The following ZNF585A variants were observed in gnomAD, a reference collection of about 807,000 sequenced individuals.
The protein encoded by ZNF585A is zinc finger protein 585A.
In ZNF585A, 9 loss-of-function variants were observed where a neutral mutation model predicts 14.9. That is an observed-to-expected ratio of 0.60 (90% CI 0.36 to 1.05). The LOEUF (loss-of-function observed/expected upper bound fraction) is 1.05, where lower values mean the gene tolerates loss of function less well. Among genes scored for constraint, ZNF585A ranks in the 50% least tolerant of loss-of-function variants. The pLI is 0.01. For missense variants in ZNF585A, 726 were observed against 926.4 expected, an observed-to-expected ratio of 0.78 and a Z score of 2.81; for synonymous variants, 276 against 319.9, an observed-to-expected ratio of 0.86 and a Z score of 1.46.
chr19:37,161,774 A>AT (rs1349862669), intron 2 of ZNF585A, among the ~76,000 whole-genome samples: 4 of 151,958 alleles, frequency 2.6e-5, no homozygotes, highest in South Asian at 2.1e-4. Context: ...TCTTAATAAC[A>AT]TTTTTTTCTC....
chr19:37,166,790 T>C (rs1972098791), intron 2 of ZNF585A, among the ~76,000 whole-genome samples: 1 of 152,026 alleles, frequency 6.6e-6, no homozygotes, highest in Non-Finnish European at 1.5e-5. Context: ...CAATTAAATC[T>C]ATAGTTTTTC....
chr19:37,158,715 T>G (rs373852055), intron 2 of ZNF585A, among the ~76,000 whole-genome samples: 3 of 152,146 alleles, frequency 2.0e-5, no homozygotes, highest in East Asian at 3.8e-4. Context: ...GAACCAATCT[T>G]AAAAAAATAT....
rs144430542 is a variant in ZNF585A at position 37,153,271 on chromosome 19, C to T, written c.628G>A (p.Gly210Arg). The T allele has an allele frequency of 2.8e-4, 447 of 1,614,130 alleles. No individual in the cohort carries two copies. In the African/African-American group the frequency reaches 4.0e-3, roughly 14 times the overall value. ...SLFRHQRIHT[G>R]EKLYECSQCG... is the part of the protein sequence containing the mutation. ...TGGCTGCATTCATAGAGTTTCTCTC[C>T]GGTATGAATTCTCTGATGCCTGAAG... The change falls in exon 5 of 5, where the codon GGA (glycine) becomes AGA (arginine). Residue 210 changes from glycine (G) to arginine (R), a missense_variant. Gly to Arg is a moderately radical substitution (Grantham distance 125). Coordinates refer to ENST00000292841, the MANE Select transcript of ZNF585A (RefSeq NM_001288800.2).
chr19:37,153,109 G>C lies in ZNF585A; in HGVS notation c.790C>G (p.His264Asp). 6.2e-7 allele frequency: 1 copy of C among 1,614,130 alleles called. No individual in the cohort carries two copies. The highest frequency in any genetic ancestry group is 8.5e-7 in the Non-Finnish European group (1 of 1,180,022). The change falls in exon 5 of 5, where the codon CAT (histidine) becomes GAT (aspartate). Residue 264 changes from histidine to aspartate, a missense_variant. Physicochemically the swap from His to Asp is moderately conservative, Grantham distance 81. This residue lies in a region of ZNF585A where 483 missense variants were observed against 542.8 expected (regional missense o/e 0.89). Coordinates refer to ENST00000292841, the MANE Select transcript of ZNF585A (RefSeq NM_001288800.2). ...KSTLKMHQKI[H>D]TGERSYICIE... Reference sequence around the variant, plus strand: ...CAGATGTAGGATCTCTCGCCTGTATGGATTTTCTGATGCATCTTGAGTGTG... The same window carrying C: ...CAGATGTAGGATCTCTCGCCTGTATCGATTTTCTGATGCATCTTGAGTGTG...
intron 2 of ZNF585A, chr19:37,165,713 AC>A: frequency 1.1e-6 from 1 of 937,292 alleles, no homozygotes; most frequent in Non-Finnish European, 1.3e-6. Context: ...ACAAAATAAA[AC>A]AAAAACCAAA....
rs1351506466 is a variant in ZNF585A at position 37,147,449 on chromosome 19, T to C, written c.*4140A>G. On this transcript the variant is annotated 3_prime_UTR_variant, in exon 5 of 5. Coordinates refer to ENST00000292841, the MANE Select transcript of ZNF585A (RefSeq NM_001288800.2). ...TGACTAACTCCAACTGCAGACTCTC[T>C]GGCCTCTTTTATTGTAGTTATATCT... 2 of 152,232 alleles carry C rather than the reference T, an allele frequency of 1.3e-5. No homozygotes were observed. The highest frequency in any genetic ancestry group is 4.8e-5 in the African/African-American group (2 of 41,466). The allele number at this position is 152,232 out of a possible 1,614,324, so 9.4% of individuals were successfully genotyped here.
intron 2 of ZNF585A, among the ~76,000 whole-genome samples, chr19:37,160,489 A>T (rs1971997268): frequency 6.6e-6 from 1 of 151,938 alleles, no homozygotes; most frequent in African/African-American, 2.4e-5. Context: ...AGAGAGAAAA[A>T]TCACTGTAAC....
intron 2 of ZNF585A, among the ~76,000 whole-genome samples, chr19:37,164,729 T>G (rs1484730555): frequency 6.6e-6 from 1 of 152,180 alleles, no homozygotes; most frequent in Non-Finnish European, 1.5e-5. Flanking sequence ...CTAGGCTGGA[T>G]GTAGTGGCAA....
intron 2 of ZNF585A, among the ~76,000 whole-genome samples, chr19:37,168,346 C>T (rs1972129463): frequency 6.6e-6 from 1 of 152,138 alleles, no homozygotes; most frequent in Non-Finnish European, 1.5e-5. Context: ...TGGCAGGGGC[C>T]AGCTAACTCA....
At chr19:37,156,493 A>G in intron 2 of ZNF585A, 138 bp from the exon 3 acceptor site, 1 of 1,200,408 alleles carries the variant, frequency 8.3e-7, no homozygotes, top group Non-Finnish European at 1.1e-6. Flanking sequence ...TTTCTCTAAT[A>G]CTTTATTATG....
At chr19:37,158,138 G>A (rs185996914) in intron 2 of ZNF585A, among the ~76,000 whole-genome samples, 8 of 152,110 alleles carry the variant, frequency 5.3e-5, no homozygotes, top group African/African-American at 1.7e-4. Flanking sequence ...TACCTGCCTC[G>A]GCCTCCCAAA....
intron 2 of ZNF585A, chr19:37,165,608 T>C: frequency 1.0e-6 from 1 of 982,916 alleles, no homozygotes; most frequent in Non-Finnish European, 1.2e-6. Context: ...GCTATTGTTT[T>C]CTTCTACTCT....
chr19:37,152,284 T>C lies in ZNF585A; in HGVS notation c.1615A>G (p.Ile539Val). ...TCTCCAGTGTGAATTTTCTGATGTA[T>C]ATTGAGGTGTGACTTCTGAGTGAAG... ...KAFTQKSHLN[I>V]HQKIHTGERQ... Residue 539 changes from isoleucine (I) to valine (V), a missense_variant, in exon 5 of 5, where the codon ATA (isoleucine) becomes GTA (valine). Coordinates refer to ENST00000292841, the MANE Select transcript of ZNF585A (RefSeq NM_001288800.2). 1.9e-6 allele frequency: 3 copies of C among 1,614,216 alleles called. No individual in the cohort carries two copies. The highest frequency in any genetic ancestry group is 2.5e-6 in the Non-Finnish European group (3 of 1,180,046).
intron 2 of ZNF585A, among the ~76,000 whole-genome samples, chr19:37,168,525 TG>T (rs1972132250): frequency 1.3e-5 from 2 of 152,230 alleles, no homozygotes; most frequent in African/African-American, 4.8e-5. Context: ...CTCCTTACTC[TG>T]CATAAGGAAA....
intron 2 of ZNF585A, among the ~76,000 whole-genome samples, chr19:37,166,153 A>G (rs914822037): frequency 7.2e-5 from 11 of 151,844 alleles, no homozygotes; most frequent in African/African-American, 2.2e-4. Context: ...ACCTGGGATT[A>G]CAGACCTGCA....
intron 2 of ZNF585A, among the ~76,000 whole-genome samples, chr19:37,160,859 TTTC>T (rs1360396405): frequency 3.3e-5 from 5 of 152,092 alleles, no homozygotes; most frequent in Non-Finnish European, 7.3e-5. Context: ...GAATTCTTTT[TTTC>T]TTCTTCTTTT....
In ZNF585A at chr19:37,153,272, G is replaced by A. The variant is rs369952455; in HGVS notation, c.627C>T (p.Thr209=). ...GGCTGCATTCATAGAGTTTCTCTCC[G>A]GTATGAATTCTCTGATGCCTGAAGA... ...SSLFRHQRIH[T]GEKLYECSQC... is the part of the protein sequence containing the mutation. The change falls in exon 5 of 5, where the codon ACC becomes ACT. Residue 209 remains threonine (T), a synonymous_variant. Transcript: ENST00000292841. 44 of 1,613,872 alleles carry A rather than the reference G, an allele frequency of 2.7e-5. No individual in the cohort carries two copies. Among genetic ancestry groups the A allele is most frequent in the African/African-American group, 1.9e-4 (14 of 74,860 alleles).
intron 2 of ZNF585A, among the ~76,000 whole-genome samples, chr19:37,161,765 C>T (rs556413038): frequency 6.6e-6 from 1 of 152,144 alleles, no homozygotes; most frequent in South Asian, 2.1e-4. Flanking sequence ...TTTTGATTTT[C>T]TTAATAACAT....
At chr19:37,164,636 G>T (rs920564073) in intron 2 of ZNF585A, among the ~76,000 whole-genome samples, 1 of 152,002 alleles carries the variant, frequency 6.6e-6, no homozygotes, top group Non-Finnish European at 1.5e-5. Context: ...ATAATCTCTC[G>T]AAAAGTAAAT....
Sources: gnomAD v4.1 joint callset for allele counts (sites outside exome capture counted in the v4.1 genomes callset) on GRCh38, gnomAD v4.1.1 for gene constraint, gnomAD v4.1.1 regional missense constraint, MANE v1.5 for transcripts, NCBI Gene and HGNC (gene_info 2026-07-23, HGNC 2026-07-21) for gene names.